The following COL4A2 variants were observed in gnomAD, a reference collection of about 807,000 sequenced individuals.
COL4A2 encodes collagen type IV alpha 2 chain.
COL4A2 carries 99 observed loss-of-function variants against 200.2 expected under a neutral mutation model. That is an observed-to-expected ratio of 0.49 (90% CI 0.42 to 0.58). The LOEUF is 0.58. Among genes scored for constraint, COL4A2 ranks in the 20% least tolerant of loss-of-function variants. The pLI is 0.00. For synonymous variants in COL4A2, 897 were observed against 900.6 expected, an observed-to-expected ratio of 1.00 and a Z score of 0.07; for missense variants, 1,950 against 2,314.1, an observed-to-expected ratio of 0.84 and a Z score of 3.23.
At chr13:110,312,892 G>A (rs910106432) in intron 3 of COL4A2, among the ~76,000 whole-genome samples, 4 of 152,240 alleles carry the variant, frequency 2.6e-5, no homozygotes, top group Non-Finnish European at 2.9e-5. Flanking sequence ...AGAATGTTGT[G>A]TGGAATGGAT....
At chr13:110,404,566 G>A (rs1379541892) in intron 4 of COL4A2, among the ~76,000 whole-genome samples, 3 of 152,162 alleles carry the variant, frequency 2.0e-5, no homozygotes, top group East Asian at 1.9e-4. Context: ...AGGAGGAGCC[G>A]CCAAGGCTCA....
chr13:110,486,329 C>A (rs1371850363), intron 34 of COL4A2, among the ~76,000 whole-genome samples: 14 of 152,190 alleles, frequency 9.2e-5, no homozygotes, highest in Non-Finnish European at 2.9e-5. Context: ...TGAGCCCTGA[C>A]CCTGGGCAGG....
rs1882380984 is a variant in COL4A2 at position 110,469,466 on chromosome 13, G to T, written c.2203+142G>T. ...TGACAACTTTTGCATTTGTCCTTGG[G>T]AGATTAGAAATTCTTGATTTTTCAT... On this transcript the variant is annotated intron_variant, in intron 28 of 47. Coordinates refer to ENST00000360467, the MANE Select transcript of COL4A2 (RefSeq NM_001846.4). 6.8e-6 allele frequency: 6 copies of T among 883,022 alleles called. No individual in the cohort carries two copies. The South Asian group carries it at 1.1e-4, about 17-fold the overall frequency. 54.7% of individuals were successfully genotyped at this position (883,022 alleles called of 1,614,324 possible).
chr13:110,449,945 C>T (rs988226885), intron 19 of COL4A2, among the ~76,000 whole-genome samples, 156 bp downstream of exon 19: 1 of 152,224 alleles, frequency 6.6e-6, no homozygotes, highest in Admixed American at 6.5e-5. Flanking sequence ...CGCACACATG[C>T]TTTGGACACC....
At position 110,513,101 on chromosome 13, in the gene COL4A2, G is replaced by A. The variant is rs1328462477; in HGVS notation, c.*910G>A. 2 of 152,082 alleles carry A rather than the reference G, an allele frequency of 1.3e-5. No homozygotes were observed. The highest frequency in any genetic ancestry group is 2.4e-5 in the African/African-American group (1 of 41,400). 9.4% of individuals were successfully genotyped at this position (152,082 alleles called of 1,614,324 possible). ...TGCTCAGATGGATGCGAGGCACAGC[G>A]TCCGCCCACGCTGCTGTTTTTAATC... On this transcript the variant is annotated 3_prime_UTR_variant, in exon 48 of 48. Transcript: ENST00000360467.
chr13:110,512,194 C>T lies in COL4A2; in HGVS notation c.*3C>T, dbSNP rs762409289. The T allele has an allele frequency of 4.4e-6, 7 of 1,609,180 alleles. No homozygotes were observed. The highest frequency in any genetic ancestry group is 2.2e-5 in the East Asian group (1 of 44,796). On this transcript the variant is annotated 3_prime_UTR_variant, in exon 48 of 48. Transcript: ENST00000360467. ...AGGTGTGCATGAAGAACCTGTGAGC[C>T]GGCGCGTGCCAGGAAGGGCCATTTT...
chr13:110,480,173 C>A, intron 30 of COL4A2, 47 bp from the exon 31 acceptor site: 1 of 1,515,702 alleles, frequency 6.6e-7, no homozygotes, highest in South Asian at 1.3e-5. Flanking sequence ...GAAATTTCCC[C>A]TGTGTGTGTT....
chr13:110,433,206 G>A (rs1379485915), intron 11 of COL4A2, among the ~76,000 whole-genome samples: 2 of 152,248 alleles, frequency 1.3e-5, no homozygotes, highest in African/African-American at 4.8e-5. Flanking sequence ...CTTCCGGTTG[G>A]CTGGAGGGCT....
intron 10 of COL4A2, chr13:110,431,028 G>A: frequency 5.1e-6 from 2 of 389,826 alleles, no homozygotes; most frequent in South Asian, 3.9e-5. Flanking sequence ...CAGCAGGTGA[G>A]ATACTGGCCA....
Position 110,465,487 on chromosome 13 carries a change from C to T in COL4A2, c.1859C>T (p.Pro620Leu), listed in dbSNP as rs748355973. 3 of 1,614,012 alleles carry T rather than the reference C, an allele frequency of 1.9e-6. No individual in the cohort carries two copies. Among genetic ancestry groups the T allele is most frequent in the Non-Finnish European group, 2.5e-6 (3 of 1,180,014 alleles). Residue 620 changes from proline (P) to leucine (L), a missense_variant, in exon 25 of 48, where the codon CCC becomes CTC. Physicochemically the swap from Pro to Leu is moderately conservative, Grantham distance 98. Transcript: ENST00000360467. ...AAGGGTACTCCAGGAGAAATGGGCC[C>T]CCCAGGACTGGGCCTTCCCGGCCTC... Reference protein sequence around the residue: ...GTKGTPGEMGPPGLGLPGLKG... With the variant: ...GTKGTPGEMGLPGLGLPGLKG...
chr13:110,409,932 G>A (rs374294907), intron 4 of COL4A2, among the ~76,000 whole-genome samples: 20 of 152,056 alleles, frequency 1.3e-4, no homozygotes, highest in African/African-American at 4.6e-4. Flanking sequence ...GGTGAAACCC[G>A]GCCCACACGT....
At chr13:110,321,640 CATGCTACTG>C (rs1412690228) in intron 3 of COL4A2, among the ~76,000 whole-genome samples, 3 of 152,184 alleles carry the variant, frequency 2.0e-5, no homozygotes, top group Non-Finnish European at 2.9e-5. Flanking sequence ...AGTCCATGTT[CATGCTACTG>C]ATAAAGACAT....
At chr13:110,366,001 G>T (rs1205325256) in intron 4 of COL4A2, among the ~76,000 whole-genome samples, 1 of 152,118 alleles carries the variant, frequency 6.6e-6, no homozygotes, top group African/African-American at 2.4e-5. Flanking sequence ...AGAGCAAAAG[G>T]AATTCACAGT....
chr13:110,423,252 T>TC (rs1421779759), intron 4 of COL4A2, among the ~76,000 whole-genome samples: 9 of 99,888 alleles, frequency 9.0e-5, no homozygotes, highest in African/African-American at 2.2e-4. Flanking sequence ...AGATAGAACT[T>TC]CCCCTCCCCT....
At position 110,432,336 on chromosome 13, in the gene COL4A2, A is replaced by G. The variant is rs1880713305; in HGVS notation, c.660A>G (p.Gly220=). 4 of 1,610,594 alleles carry G rather than the reference A, an allele frequency of 2.5e-6. No individual in the cohort carries two copies. The highest frequency in any genetic ancestry group is 3.4e-5 in the Admixed American group (2 of 59,364). Residue 220 remains glycine (G), a synonymous_variant, in exon 11 of 48, where the codon GGA becomes GGG. Transcript: ENST00000360467. ...VGAPGRPGPP[G]PPGPKGQQGN... ...TTGTATTTGTACAGGGACCACCTGGACCCCCTGGACCAAAAGGACAGCAAG... is the reference window on the plus strand; with the variant it reads ...TTGTATTTGTACAGGGACCACCTGGGCCCCCTGGACCAAAAGGACAGCAAG...
chr13:110,355,180 C>G (rs1191955287), intron 3 of COL4A2, among the ~76,000 whole-genome samples: 1 of 152,248 alleles, frequency 6.6e-6, no homozygotes, highest in Non-Finnish European at 1.5e-5. Flanking sequence ...TCCAGGGTCC[C>G]TTAGGTGTAA....
intron 4 of COL4A2, among the ~76,000 whole-genome samples, chr13:110,408,812 TACACAC>T (rs68036789): frequency 1.2e-5 from 1 of 83,940 alleles, no homozygotes; most frequent in African/African-American, 3.8e-5. Flanking sequence ...CACATATATA[TACACAC>T]ACACATGCAC....
At chr13:110,374,387 G>A (rs952359) in intron 4 of COL4A2, among the ~76,000 whole-genome samples, 57,141 of 152,026 alleles carry the variant, frequency 0.38, 10,962 homozygotes, top group East Asian at 0.45. Flanking sequence ...ATCTGGGTAT[G>A]ATGTTGCACC....
chr13:110,422,768 T>C (rs1430982510), intron 4 of COL4A2, among the ~76,000 whole-genome samples: 2 of 152,244 alleles, frequency 1.3e-5, no homozygotes, highest in African/African-American at 4.8e-5. Context: ...CTTCCCGTGA[T>C]GCCTGGGGCC....
Sources: gnomAD v4.1 joint callset for allele counts (sites outside exome capture counted in the v4.1 genomes callset) on GRCh38, gnomAD v4.1.1 for gene constraint, MANE v1.5 for transcripts, NCBI Gene and HGNC (gene_info 2026-07-23, HGNC 2026-07-21) for gene names.